The following TXNDC11 variants were observed in gnomAD, a reference collection of about 807,000 sequenced individuals.
The protein encoded by TXNDC11 is thioredoxin domain-containing protein 11.
In TXNDC11, 68 loss-of-function variants were observed where a neutral mutation model predicts 78.0. That is an observed-to-expected ratio of 0.87 (90% CI 0.72 to 1.07). The LOEUF is 1.07. TXNDC11 is among the 50% of genes least tolerant of loss of function. The pLI is 0.00. For missense variants in TXNDC11, 1,389 were observed against 1,221.8 expected, an observed-to-expected ratio of 1.14 and a Z score of -2.04; for synonymous variants, 571 against 495.2, an observed-to-expected ratio of 1.15 and a Z score of -2.03.
intron 4 of TXNDC11, among the ~76,000 whole-genome samples, chr16:11,727,204 CT>C (rs909343817): frequency 8.0e-4 from 120 of 150,286 alleles, no homozygotes; most frequent in African/African-American, 2.6e-3. Context: ...AATTTTTTTT[CT>C]TTTTTTTTCC....
At position 11,697,910 on chromosome 16, in the gene TXNDC11, A is replaced by G. The variant is rs553334335; in HGVS notation, c.1107+215T>C. 4.4e-4 allele frequency among the ~76,000 whole-genome samples: 67 copies of G among 152,348 alleles called. 1 individual carries two copies. The highest frequency in any genetic ancestry group is 1.6e-3 in the African/African-American group (65 of 41,586). ...CTCACTCCAGACACCAACAGCTGTC[A>G]ATAAATATGGCCAGAGAGGCTGCGG... On this transcript the variant is annotated intron_variant, in intron 7 of 11. Transcript: ENST00000283033.
chr16:11,734,035 G>A lies in TXNDC11; in HGVS notation c.516C>T (p.Cys172=). 1.2e-6 allele frequency: 2 copies of A among 1,604,738 alleles called. No individual in the cohort carries two copies. The highest frequency in any genetic ancestry group is 1.1e-5 in the South Asian group (1 of 87,926). The part of the protein sequence containing the change: ...AINCWWNQGK[C]RKQKHFFYFP... ...AATAAAAGAAGTGTTTCTGTTTTCT[G>A]CATTTCCCCTGGTTCCACCAACAGT... The change falls in exon 3 of 12, where the codon TGC becomes TGT. Residue 172 remains cysteine, a synonymous_variant. Coordinates refer to ENST00000283033, the MANE Select transcript of TXNDC11 (RefSeq NM_015914.7).
At chr16:11,734,336 T>C (rs1013809090) in intron 2 of TXNDC11, among the ~76,000 whole-genome samples, 6 of 152,252 alleles carry the variant, frequency 3.9e-5, no homozygotes, top group African/African-American at 1.4e-4. Flanking sequence ...AAAAGATTTC[T>C]GTGTGTTTCC....
chr16:11,742,836 C>G lies in TXNDC11; in HGVS notation c.-106G>C, dbSNP rs1043107863. ...CCCGCAGCTCGCCGCACCCGCTAAC[C>G]CGGACGCTCCACGTCAGCCGCGCCG... is the stretch of plus-strand genomic sequence containing the variant. On this transcript the variant is annotated 5_prime_UTR_variant, in exon 1 of 12. Transcript: ENST00000283033. 7.4e-7 allele frequency: 1 copy of G among 1,356,046 alleles called. No homozygotes were observed. Among genetic ancestry groups the G allele is most frequent in the African/African-American group, 1.5e-5 (1 of 65,694 alleles). 84.0% of individuals were successfully genotyped at this position (1,356,046 alleles called of 1,614,324 possible). A position where few individuals can be genotyped will look rare whatever the true frequency, so the allele number is the denominator to read the frequency against.
intron 1 of TXNDC11, among the ~76,000 whole-genome samples, chr16:11,736,851 T>C (rs1473066545): frequency 1.3e-5 from 2 of 152,160 alleles, no homozygotes; most frequent in East Asian, 1.9e-4. Flanking sequence ...AATGGGCTTT[T>C]TGAACACTTG....
At chr16:11,707,924 A>T (rs1340412618) in intron 5 of TXNDC11, among the ~76,000 whole-genome samples, 1 of 151,916 alleles carries the variant, frequency 6.6e-6, no homozygotes, top group Non-Finnish European at 1.5e-5. Flanking sequence ...CTCTAAAAAA[A>T]TTTTTAAAAA....
chr16:11,730,671 A>G lies in TXNDC11; in HGVS notation c.673T>C (p.Leu225=). The G allele has an allele frequency of 6.2e-7, 1 of 1,613,668 alleles. No homozygotes were observed. Among genetic ancestry groups the G allele is most frequent in the African/African-American group, 1.3e-5 (1 of 75,032 alleles). ...PLLYIPSQSE[L]LDFLSNYEPG... is the part of the protein sequence containing the mutation. ...TCGTAGTTTGAGAGAAAATCTAGTAATTCTGATTGAGATGGGATGTAGAGA... is the reference window on the plus strand; with the variant it reads ...TCGTAGTTTGAGAGAAAATCTAGTAGTTCTGATTGAGATGGGATGTAGAGA... Residue 225 remains leucine (L), a synonymous_variant, in exon 4 of 12, where the codon TTA becomes CTA. Coordinates refer to ENST00000283033, the MANE Select transcript of TXNDC11 (RefSeq NM_015914.7).
chr16:11,703,522 AC>A, intron 5 of TXNDC11: 1 of 501,552 alleles, frequency 2.0e-6, no homozygotes, highest in African/African-American at 2.5e-5. Context: ...ACACACACAC[AC>A]ACACACACAC....
intron 1 of TXNDC11, among the ~76,000 whole-genome samples, chr16:11,739,855 A>T (rs2052339715): frequency 6.6e-6 from 1 of 152,052 alleles, no homozygotes; most frequent in African/African-American, 2.4e-5. Context: ...AAAAGAGCAG[A>T]CATTTATTTC....
At chr16:11,682,857 G>A (rs1028574188) in intron 11 of TXNDC11, among the ~76,000 whole-genome samples, 1 of 152,042 alleles carries the variant, frequency 6.6e-6, no homozygotes, top group African/African-American at 2.4e-5. Context: ...AAGTACTCCC[G>A]CAAAAATTCT....
At chr16:11,682,651 C>T (rs550584200) in intron 11 of TXNDC11, among the ~76,000 whole-genome samples, 2 of 152,302 alleles carry the variant, frequency 1.3e-5, no homozygotes, top group Admixed American at 6.5e-5. Context: ...AAAAATTATA[C>T]GTCATTAAAC....
intron 5 of TXNDC11, among the ~76,000 whole-genome samples, chr16:11,711,415 G>A (rs550499047): frequency 6.6e-6 from 1 of 152,174 alleles, no homozygotes; most frequent in South Asian, 2.1e-4. Context: ...TGGCCTGTTA[G>A]CAAGTCATGT....
intron 10 of TXNDC11, among the ~76,000 whole-genome samples, chr16:11,687,180 C>A (rs891284457): frequency 1.3e-5 from 2 of 152,108 alleles, no homozygotes; most frequent in Admixed American, 1.3e-4. Context: ...CAACTGCTTC[C>A]ACTTTGGAAA....
At chr16:11,681,305 G>A (rs2050419223) in intron 11 of TXNDC11, among the ~76,000 whole-genome samples, 11 of 152,256 alleles carry the variant, frequency 7.2e-5, no homozygotes, top group Admixed American at 7.2e-4. Flanking sequence ...GTAAGGCAGA[G>A]TAAACGTGAA....
rs760015943 is a variant in TXNDC11 at position 11,703,981 on chromosome 16, A to C, written c.794-3417T>G. Among the ~76,000 whole-genome samples the C allele has an allele frequency of 3.3e-5, 5 of 152,342 alleles. No homozygotes were observed. The East Asian group carries it at 5.8e-4, about 18-fold the overall frequency. On this transcript the variant is annotated intron_variant, in intron 5 of 11. Coordinates refer to ENST00000283033, the MANE Select transcript of TXNDC11 (RefSeq NM_015914.7). ...GTGGCACGCACCTGTAATTCCAGCT[A>C]TCTGGGAGGCTGAGGCAGCAGAATT...
Position 11,700,553 on chromosome 16 carries a change from T to C in TXNDC11, c.805A>G (p.Thr269Ala), listed in dbSNP as rs199871394. 6 of 1,584,950 alleles carry C rather than the reference T, an allele frequency of 3.8e-6. No individual in the cohort carries two copies. The Admixed American group carries it at 8.4e-5, about 22-fold the overall frequency. Residue 269 changes from threonine to alanine, a missense_variant, in exon 6 of 12, where the codon ACA becomes GCA. Transcript: ENST00000283033. ...TTTGTGATAACCCCAAATCGTACTGTTCCTAGGTAATCTGAAACAGAAAAT... is the reference window on the plus strand; with the variant it reads ...TTTGTGATAACCCCAAATCGTACTGCTCCTAGGTAATCTGAAACAGAAAAT... Reference protein sequence around the residue: ...LHSLKKDYLGTVRFGVITNKH... With the variant: ...LHSLKKDYLGAVRFGVITNKH...
At position 11,683,196 on chromosome 16, in the gene TXNDC11, C is replaced by T. The variant is rs567401116; in HGVS notation, c.2234+969G>A. On this transcript the variant is annotated intron_variant, in intron 11 of 11. Transcript: ENST00000283033. Reference sequence around the variant, plus strand: ...TTTTCCACTAAAACATCTGCATCTACGTTTACTAACTGGAAGTCCGCTCCC... The same window carrying T: ...TTTTCCACTAAAACATCTGCATCTATGTTTACTAACTGGAAGTCCGCTCCC... 1.3e-4 allele frequency among the ~76,000 whole-genome samples: 20 copies of T among 152,320 alleles called. No individual in the cohort carries two copies. The South Asian group carries it at 2.7e-3, about 21-fold the overall frequency.
At chr16:11,706,454 A>G (rs2051182070) in intron 5 of TXNDC11, among the ~76,000 whole-genome samples, 1 of 152,224 alleles carries the variant, frequency 6.6e-6, no homozygotes, top group Non-Finnish European at 1.5e-5. Flanking sequence ...CACATCTCCC[A>G]TGGGCATGGG....
Position 11,698,263 on chromosome 16 carries a change from G to A in TXNDC11, c.969C>T (p.Asn323=). Residue 323 remains asparagine, a synonymous_variant, in exon 7 of 12, where the codon AAC becomes AAT. Transcript: ENST00000283033. ...GCAGCCACCGAAAGAGCGTCTCCTGGTTTTCTAAGGCCCACTTACAGATGT... is the reference window on the plus strand; with the variant it reads ...GCAGCCACCGAAAGAGCGTCTCCTGATTTTCTAAGGCCCACTTACAGATGT... ...AENICKWALE[N]QETLFRWLRP... is the part of the protein sequence containing the mutation. 2 of 1,614,194 alleles carry A rather than the reference G, an allele frequency of 1.2e-6. No individual in the cohort carries two copies. The highest frequency in any genetic ancestry group is 1.7e-6 in the Non-Finnish European group (2 of 1,180,042).
Sources: gnomAD v4.1 joint callset for allele counts (sites outside exome capture counted in the v4.1 genomes callset) on GRCh38, gnomAD v4.1.1 for gene constraint, MANE v1.5 for transcripts, NCBI Gene and HGNC (gene_info 2026-07-23, HGNC 2026-07-21) for gene names.